HMCN2: variants seen among roughly 807,000 people sequenced by gnomAD.
HMCN2 encodes hemicentin-2.
Under a neutral mutation model 377.5 loss-of-function variants are expected in HMCN2, and 325 were observed. The observed-to-expected ratio is 0.86, with a 90% confidence interval of 0.79 to 0.94. The LOEUF is 0.94. Ranked by LOEUF, HMCN2 falls within the 40% of genes least tolerant of loss-of-function variation. The probability of loss-of-function intolerance (pLI) is 0.00; values close to 1 mark genes in which losing one functional copy is unlikely to be tolerated. For synonymous variants in HMCN2, 2,007 were observed against 2,046.8 expected (o/e 0.98, Z 0.53); for missense variants, 4,543 against 4,725.3 (o/e 0.96, Z 1.13).
rs1450085428 is a variant in HMCN2 at position 130,360,900 on chromosome 9, TCATC to T, written c.5950+304_5950+307del. ...ATCCATCCATCCATCCATCCATCTC[TCATC>T]CATCCATTTATCCACCCAACCATCC... On this transcript the variant is annotated intron_variant, in intron 38 of 97. Transcript: ENST00000683500. The surrounding 1 kb of genome is among the most constrained non-coding windows in gnomAD (Gnocchi z 4.7). 6.6e-6 allele frequency among the ~76,000 whole-genome samples: 1 copy of T among 150,396 alleles called. No homozygotes were observed. Among genetic ancestry groups the T allele is most frequent in the African/African-American group, 2.5e-5 (1 of 40,732 alleles).
At chr9:130,430,964 A>G (rs1337211299) in intron 95 of HMCN2, 5 of 310,412 alleles carry the variant, frequency 1.6e-5, no homozygotes, top group Non-Finnish European at 3.0e-5. Context: ...GGTGAAGGAG[A>G]ATGTTCCAGG....
intron 95 of HMCN2, chr9:130,431,138 T>C: frequency 1.7e-6 from 1 of 584,278 alleles, no homozygotes; most frequent in East Asian, 2.8e-5. Flanking sequence ...TGCTGCTTGC[T>C]CCTTCTATGC....
In HMCN2 at chr9:130,432,754, G is replaced by A. The variant is rs1844838945; in HGVS notation, c.14894+199G>A. Reference sequence around the variant, plus strand: ...CACACACACCAAACCCCAGACACAGGACCACCATGCAGACTCACACAACCC... The same window carrying A: ...CACACACACCAAACCCCAGACACAGAACCACCATGCAGACTCACACAACCC... On this transcript the variant is annotated intron_variant, in intron 97 of 97. Transcript: ENST00000683500. 3 of 608,114 alleles carry A rather than the reference G, an allele frequency of 4.9e-6. No individual in the cohort carries two copies. The African/African-American group carries it at 5.6e-5, about 11-fold the overall frequency. 37.7% of individuals were successfully genotyped at this position (608,114 alleles called of 1,614,324 possible). A position where few individuals can be genotyped will look rare whatever the true frequency, so the allele number is the denominator to read the frequency against.
At chr9:130,285,082 G>A (rs1465076534) in intron 2 of HMCN2, 76 bp from the exon 3 acceptor site, 1 of 446,096 alleles carries the variant, frequency 2.2e-6, no homozygotes, top group African/African-American at 2.0e-5. Flanking sequence ...TATGCCCAGT[G>A]GTTTTGGAGA....
intron 22 of HMCN2, among the ~76,000 whole-genome samples, chr9:130,330,714 T>C (rs1838381490): frequency 2.0e-5 from 3 of 152,122 alleles, no homozygotes; most frequent in African/African-American, 7.2e-5. Context: ...CTCTTATCCT[T>C]GTAGGGGCTG....
Position 130,394,632 on chromosome 9 carries a change from G to A in HMCN2, c.10692+57G>A. 2 of 1,207,856 alleles carry A rather than the reference G, an allele frequency of 1.7e-6. No individual in the cohort carries two copies. The highest frequency in any genetic ancestry group is 1.4e-5 in the South Asian group (1 of 71,050). The allele number at this position is 1,207,856 out of a possible 1,614,324, so 74.8% of individuals were successfully genotyped here. A position where few individuals can be genotyped will look rare whatever the true frequency, so the allele number is the denominator to read the frequency against. On this transcript the variant is annotated intron_variant, in intron 69 of 97. Transcript: ENST00000683500. This position sits in a 1 kb window ranked among gnomAD's most constrained non-coding sequence, Gnocchi z 5.1. ...GGGGTTGGGGGAGAGGGGAGGGACT[G>A]CAGGTTCCCCAGACCCAGTGGGCAG...
At chr9:130,426,063 G>A (rs367587719) in intron 90 of HMCN2, 139 bp downstream of exon 90, 40 of 687,738 alleles carry the variant, frequency 5.8e-5, no homozygotes, top group East Asian at 2.2e-4. Flanking sequence ...GAGACGGCCC[G>A]GCTGGCCTAC....
chr9:130,356,979 T>TGGAA (rs1192148694), intron 34 of HMCN2, among the ~76,000 whole-genome samples: 1 of 150,116 alleles, frequency 6.7e-6, no homozygotes, highest in Non-Finnish European at 1.5e-5. Context: ...GATGGATGGA[T>TGGAA]GGAAAGGTGG....
At chr9:130,399,748 C>A in intron 76 of HMCN2, 116 bp downstream of exon 76, 2 of 681,460 alleles carry the variant, frequency 2.9e-6, no homozygotes, top group Non-Finnish European at 4.1e-6. Context: ...CTGCACTGGA[C>A]ACCTCCTCCA....
In HMCN2 at chr9:130,304,840, C is replaced by T. The variant is rs782559772; in HGVS notation, c.1654C>T (p.Arg552Trp). 30 of 471,016 alleles carry T rather than the reference C, an allele frequency of 6.4e-5. No homozygotes were observed. The highest frequency in any genetic ancestry group is 3.2e-4 in the Middle Eastern group (1 of 3,094). 29.2% of individuals were successfully genotyped at this position (471,016 alleles called of 1,614,324 possible). A position where few individuals can be genotyped will look rare whatever the true frequency, so the allele number is the denominator to read the frequency against. Residue 552 changes from arginine (R) to tryptophan (W), a missense_variant, in exon 11 of 98, where the codon CGG (arginine) becomes TGG (tryptophan). This residue lies in a region of HMCN2 where 547 missense variants were observed against 189.9 expected (regional missense o/e 2.88). Transcript: ENST00000683500. This position sits in a 1 kb window ranked among gnomAD's most constrained non-coding sequence, Gnocchi z 4.3. ...GEAPYNLTWV[R>W]DWRVLPASTG... ...GGCCCCCTACAACCTGACGTGGGTC[C>T]GGGACTGGCGAGTCCTGCCGGCCTC...
At position 130,410,645 on chromosome 9, in the gene HMCN2, C is replaced by G. The variant is rs1481449065; in HGVS notation, c.12954C>G (p.Val4318=). 6.4e-7 allele frequency: 1 copy of G among 1,550,556 alleles called. No homozygotes were observed. The highest frequency in any genetic ancestry group is 2.4e-5 in the East Asian group (1 of 40,922). ...TGGCGAAGAAAGTGGTGATCCTCGT[C>G]CTGCAGAGTGAGTCTCGGCCTCAGC... ...MGVAKKVVIL[V]LQSAPVFQVE... is the part of the protein sequence containing the mutation. The change falls in exon 85 of 98, where the codon GTC becomes GTG. Residue 4318 remains valine, a synonymous_variant. Transcript: ENST00000683500.
intron 73 of HMCN2, 77 bp downstream of exon 73, chr9:130,396,390 C>CA (rs1842611016): frequency 3.5e-6 from 4 of 1,158,108 alleles, no homozygotes; most frequent in Middle Eastern, 5.4e-4. Context: ...CTCACTTGGG[C>CA]AATTGGAGCA....
At position 130,365,861 on chromosome 9, in the gene HMCN2, T is replaced by C. The variant is rs1318460843; in HGVS notation, c.6506-15T>C. On this transcript the variant is annotated splice_polypyrimidine_tract_variant and intron_variant, in intron 42 of 97. Transcript: ENST00000683500. The stretch of plus-strand genomic sequence containing the variant: ...CAGCCCCACCCCCACTAACTCTCTC[T>C]CTGCTCTGACTCAGTTGCTCCAGTG... The C allele has an allele frequency of 1.3e-5, 13 of 985,194 alleles. No individual in the cohort carries two copies. In the African/African-American group the frequency reaches 1.4e-4, roughly 11 times the overall value. The allele number at this position is 985,194 out of a possible 1,614,324, so 61.0% of individuals were successfully genotyped here.
At chr9:130,370,475 G>A (rs1197354681) in intron 45 of HMCN2, among the ~76,000 whole-genome samples, 1 of 152,180 alleles carries the variant, frequency 6.6e-6, no homozygotes, top group East Asian at 1.9e-4. Flanking sequence ...GCCCCTCACT[G>A]TTGCTGGGAT....
At chr9:130,275,392 G>A (rs1191305769) in intron 1 of HMCN2, among the ~76,000 whole-genome samples, 1 of 152,174 alleles carries the variant, frequency 6.6e-6, no homozygotes, top group Non-Finnish European at 1.5e-5. Context: ...TGCATGTTCC[G>A]GGTTGTGTGT....
At chr9:130,275,101 C>A (rs532077081) in intron 1 of HMCN2, among the ~76,000 whole-genome samples, 2 of 152,236 alleles carry the variant, frequency 1.3e-5, no homozygotes, top group African/African-American at 2.4e-5. Flanking sequence ...CCCCACACCG[C>A]CGCCAGCATC....
At chr9:130,352,802 C>A in intron 30 of HMCN2, 125 bp from the exon 31 acceptor site, 1 of 759,284 alleles carries the variant, frequency 1.3e-6, no homozygotes, top group Non-Finnish European at 1.8e-6. Context: ...ACCATGCCTT[C>A]CCTGCCCCCG....
rs548950295 is a variant in HMCN2 at position 130,379,443 on chromosome 9, G to A, written c.8407G>A (p.Gly2803Arg). The change falls in exon 54 of 98, where the codon GGG (glycine) becomes AGG (arginine). Residue 2803 changes from glycine (G) to arginine (R), a missense_variant. Around this residue, in one of 5 missense-constraint regions of HMCN2, gnomAD observed 736 missense variants for 773.2 expected, o/e 0.95. Transcript: ENST00000683500. ...WYREDQPLSA[G>R]DEVSVLQGGR... ...CAGAGAGGATCAGCCCCTCTCGGCC[G>A]GGGATGAGGTGTCTGTGCTGCAAGG... 48 of 985,890 alleles carry A rather than the reference G, an allele frequency of 4.9e-5. No individual in the cohort carries two copies. The highest frequency in any genetic ancestry group is 2.1e-4 in the African/African-American group (12 of 57,350). 61.1% of individuals were successfully genotyped at this position (985,890 alleles called of 1,614,324 possible). A position where few individuals can be genotyped will look rare whatever the true frequency, so the allele number is the denominator to read the frequency against.
intron 80 of HMCN2, 92 bp downstream of exon 80, chr9:130,403,967 A>AC: frequency 8.8e-7 from 1 of 1,134,872 alleles, no homozygotes; most frequent in South Asian, 1.5e-5. Flanking sequence ...GGCAGGGCAC[A>AC]CTGCTTATAG....
Sources: gnomAD v4.1 joint callset for allele counts (sites outside exome capture counted in the v4.1 genomes callset) on GRCh38, gnomAD v4.1.1 for gene constraint, gnomAD v4.1.1 regional missense constraint, Gnocchi (gnomAD v3.1) non-coding constraint, MANE v1.5 for transcripts, NCBI Gene and HGNC (gene_info 2026-07-23, HGNC 2026-07-21) for gene names.